Variants in ATRNL1 observed in about 807,000 individuals in gnomAD.
ATRNL1 encodes the protein attractin like 1.
In ATRNL1, 95 loss-of-function variants were observed where a neutral mutation model predicts 182.7. The observed-to-expected ratio is 0.52, with a 90% CI of 0.44 to 0.62. The LOEUF (loss-of-function observed/expected upper bound fraction) is 0.62. Ranked by LOEUF, ATRNL1 falls within the 20% of genes least tolerant of loss-of-function variation. ATRNL1 has a pLI of 0.00. For synonymous variants in ATRNL1, 576 were observed against 568.3 expected, an observed-to-expected ratio of 1.01 and a Z score of -0.19; for missense variants, 1,471 against 1,679.5, an observed-to-expected ratio of 0.88 and a Z score of 2.17.
chr10:115,714,127 A>G (rs1429907026), intron 26 of ATRNL1, among the ~76,000 whole-genome samples: 6 of 151,726 alleles, frequency 4.0e-5, no homozygotes, highest in Non-Finnish European at 7.4e-5. Context: ...GGATTGCCCC[A>G]TCACTTGTTC....
intron 8 of ATRNL1, 49 bp downstream of exon 8, chr10:115,171,341 C>T: frequency 1.4e-6 from 2 of 1,455,966 alleles, no homozygotes; most frequent in Admixed American, 1.9e-5. Flanking sequence ...GAATGTTTTT[C>T]TCTTTAATAA....
chr10:115,251,681 A>C (rs1554905412), intron 10 of ATRNL1, among the ~76,000 whole-genome samples: 1 of 152,172 alleles, frequency 6.6e-6, no homozygotes, highest in Non-Finnish European at 1.5e-5. Flanking sequence ...CTGGCATCAC[A>C]TAGTGTATTG....
At chr10:115,709,056 T>C (rs1193711550) in intron 26 of ATRNL1, among the ~76,000 whole-genome samples, 4 of 151,900 alleles carry the variant, frequency 2.6e-5, no homozygotes, top group African/African-American at 9.7e-5. Flanking sequence ...TAATTTATGC[T>C]ATATTCATTA....
chr10:115,310,870 GT>G (rs1292514371), intron 17 of ATRNL1, among the ~76,000 whole-genome samples: 1 of 152,030 alleles, frequency 6.6e-6, no homozygotes, highest in Non-Finnish European at 1.5e-5. Context: ...GATTTGGTTT[GT>G]TCTTGTTTCT....
At chr10:115,481,141 T>A (rs572304818) in intron 24 of ATRNL1, among the ~76,000 whole-genome samples, 1 of 150,736 alleles carries the variant, frequency 6.6e-6, no homozygotes, top group African/African-American at 2.4e-5. Flanking sequence ...CCTTGTAATA[T>A]AGTATTCTTT....
At chr10:115,797,851 C>G (rs1949692284) in intron 27 of ATRNL1, among the ~76,000 whole-genome samples, 1 of 152,162 alleles carries the variant, frequency 6.6e-6, no homozygotes. Flanking sequence ...GTGGCAGGAG[C>G]AAATGCAAAT....
intron 24 of ATRNL1, among the ~76,000 whole-genome samples, chr10:115,471,554 A>G (rs1591523): frequency 0.032 from 4,798 of 150,890 alleles, 248 homozygotes; most frequent in African/African-American, 0.11. Flanking sequence ...CTATGAGGTG[A>G]TATCTTATTG....
intron 1 of ATRNL1, among the ~76,000 whole-genome samples, chr10:115,119,505 C>A (rs1473334379): frequency 6.6e-6 from 1 of 151,710 alleles, no homozygotes; most frequent in Admixed American, 6.6e-5. Context: ...GTAAAAAAAA[C>A]AAAATGAAGC....
At chr10:115,267,782 T>C (rs1851668851) in intron 12 of ATRNL1, among the ~76,000 whole-genome samples, 1 of 152,042 alleles carries the variant, frequency 6.6e-6, no homozygotes, top group Non-Finnish European at 1.5e-5. Context: ...TTTATTTTAG[T>C]TTATTTTTTG....
intron 26 of ATRNL1, among the ~76,000 whole-genome samples, chr10:115,579,736 A>G (rs558502132): frequency 2.0e-5 from 3 of 152,092 alleles, no homozygotes; most frequent in African/African-American, 7.2e-5. Context: ...GATAATTAAC[A>G]AAGAATGAGT....
At chr10:115,763,437 G>A (rs557658208) in intron 27 of ATRNL1, among the ~76,000 whole-genome samples, 99 of 152,298 alleles carry the variant, frequency 6.5e-4, no homozygotes, top group Admixed American at 2.3e-3. Flanking sequence ...TTATTTCAAT[G>A]AGAGGGCAGT....
chr10:115,147,940 T>G (rs1437758111), intron 5 of ATRNL1, among the ~76,000 whole-genome samples: 2 of 152,168 alleles, frequency 1.3e-5, no homozygotes, highest in African/African-American at 4.8e-5. Context: ...CTTTGGCTAT[T>G]GGCCTCTTTT....
chr10:115,187,951 A>T (rs1848013393), intron 8 of ATRNL1, among the ~76,000 whole-genome samples: 1 of 150,506 alleles, frequency 6.6e-6, no homozygotes, highest in African/African-American at 2.4e-5. Context: ...AAGTGCTGGG[A>T]TTATAGGCGT....
chr10:115,442,270 G>GCTCTCTCT (rs71895625), intron 21 of ATRNL1, among the ~76,000 whole-genome samples: 2,268 of 100,342 alleles, frequency 0.023, 140 homozygotes, highest in African/African-American at 0.093. Flanking sequence ...ATTTGTGTTT[G>GCTCTCTCT]CTCTCTCTCT....
intron 13 of ATRNL1, among the ~76,000 whole-genome samples, chr10:115,273,614 T>C (rs1554913935): frequency 6.6e-6 from 1 of 152,234 alleles, no homozygotes; most frequent in Non-Finnish European, 1.5e-5. Flanking sequence ...TTCACTACTG[T>C]ACTTCAGGGA....
At chr10:115,264,886 A>G (rs1851542074) in intron 10 of ATRNL1, among the ~76,000 whole-genome samples, 1 of 151,640 alleles carries the variant, frequency 6.6e-6, no homozygotes. Context: ...TGGAATATTT[A>G]ATAAATATAT....
At chr10:115,199,493 A>G (rs1264772) in intron 8 of ATRNL1, among the ~76,000 whole-genome samples, 54,492 of 151,766 alleles carry the variant, frequency 0.36, 10,223 homozygotes, top group African/African-American at 0.46. Flanking sequence ...GAACTTGGGC[A>G]GTGGGGGTTG....
chr10:115,859,848 A>G (rs1255681777), intron 28 of ATRNL1, among the ~76,000 whole-genome samples: 1 of 152,180 alleles, frequency 6.6e-6, no homozygotes, highest in Non-Finnish European at 1.5e-5. Flanking sequence ...TATAAAAGGT[A>G]AATGTTGATT....
At chr10:115,216,435 T>G (rs1185892620) in intron 9 of ATRNL1, among the ~76,000 whole-genome samples, 1 of 152,216 alleles carries the variant, frequency 6.6e-6, no homozygotes, top group Non-Finnish European at 1.5e-5. Flanking sequence ...GTGAGAATTT[T>G]TACTTTTGCC....
Sources: gnomAD v4.1 joint callset for allele counts (sites outside exome capture counted in the v4.1 genomes callset) on GRCh38, gnomAD v4.1.1 for gene constraint, MANE v1.5 for transcripts, NCBI Gene and HGNC (gene_info 2026-07-23, HGNC 2026-07-21) for gene names.